The following SCTR variants were observed in gnomAD, a reference collection of about 807,000 sequenced individuals.
SCTR encodes secretin receptor, also known as pancreatic secretin receptor.
SCTR carries 56 observed loss-of-function variants against 60.8 expected under a neutral mutation model. The observed-to-expected ratio is 0.92, with a 90% CI of 0.74 to 1.15. The LOEUF is 1.15. Among genes scored for constraint, SCTR ranks in the 50% most tolerant of loss-of-function variants. The pLI, the probability that SCTR is intolerant of heterozygous loss-of-function variation, is 0.00. For missense variants in SCTR, 562 were observed against 550.4 expected, an observed-to-expected ratio of 1.02 and a Z score of -0.21; for synonymous variants, 202 against 217.0, an observed-to-expected ratio of 0.93 and a Z score of 0.61.
intron 2 of SCTR, 62 bp from the exon 3 acceptor site, chr2:119,478,980 T>G (rs938782629): frequency 6.2e-7 from 1 of 1,601,546 alleles, no homozygotes; most frequent in Non-Finnish European, 8.5e-7. Flanking sequence ...CCTACCATCC[T>G]GTCCACATCA....
intron 1 of SCTR, among the ~76,000 whole-genome samples, chr2:119,514,133 C>A (rs1386154907): frequency 6.6e-6 from 1 of 152,188 alleles, no homozygotes; most frequent in Non-Finnish European, 1.5e-5. Context: ...TCCACCATCT[C>A]TTTCTTTGGG....
intron 9 of SCTR, among the ~76,000 whole-genome samples, chr2:119,451,627 C>A (rs564912441): frequency 6.6e-6 from 1 of 152,208 alleles, no homozygotes; most frequent in Non-Finnish European, 1.5e-5. Context: ...CTCAGCTTAG[C>A]GACTCATCCC....
chr2:119,479,133 TAGAA>T (rs1677482597), intron 2 of SCTR: 2 of 1,229,616 alleles, frequency 1.6e-6, no homozygotes, highest in Admixed American at 8.1e-5. Flanking sequence ...GTGTTGAAGA[TAGAA>T]GGAAGTAAGA....
chr2:119,487,474 T>C (rs2104879580), intron 2 of SCTR: 1 of 152,282 alleles, frequency 6.6e-6, no homozygotes, highest in African/African-American at 2.4e-5. Context: ...AGTGTCTTGC[T>C]CAAGGTCACA....
rs535889976 is a variant in SCTR at position 119,445,951 on chromosome 2, C to G, written c.1140+808G>C. On this transcript the variant is annotated intron_variant, in intron 11 of 12. Transcript: ENST00000019103. ...TTTTTTGTCCTTTGTATGTTTTTCC[C>G]AAAAGCGACATTGCATTATTTTTGG... Among the ~76,000 whole-genome samples the G allele has an allele frequency of 7.2e-5, 11 of 152,142 alleles. No homozygotes were observed. The East Asian group carries it at 2.1e-3, about 29-fold the overall frequency.
At chr2:119,480,041 T>G (rs1425459679) in intron 2 of SCTR, among the ~76,000 whole-genome samples, 1 of 152,244 alleles carries the variant, frequency 6.6e-6, no homozygotes, top group Non-Finnish European at 1.5e-5. Context: ...TTGGTAGCAA[T>G]GCAAATGATT....
chr2:119,477,911 G>T (rs1677406044), intron 3 of SCTR, among the ~76,000 whole-genome samples: 2 of 152,196 alleles, frequency 1.3e-5, no homozygotes, highest in African/African-American at 2.4e-5. Flanking sequence ...GTTGAGTGAG[G>T]CTTCGAGGGA....
chr2:119,501,017 A>C (rs771421822), intron 1 of SCTR, among the ~76,000 whole-genome samples: 3 of 152,206 alleles, frequency 2.0e-5, no homozygotes, highest in Non-Finnish European at 4.4e-5. Context: ...TAAATGTGTC[A>C]ATTAAAAAAA....
Position 119,473,451 on chromosome 2 carries a change from A to T in SCTR, c.405+2T>A. 6.2e-7 allele frequency: 1 copy of T among 1,608,130 alleles called. No individual in the cohort carries two copies. Among genetic ancestry groups the T allele is most frequent in the Non-Finnish European group, 8.5e-7 (1 of 1,175,126 alleles). ...TCGTGGGGTGGAGGTTGACAGGCTT[A>T]CCCGCTTCTCGTTGGAAGAGTCGTT... On this transcript the variant is annotated splice_donor_variant, in intron 4 of 12. Transcript: ENST00000019103. LOFTEE classifies it high-confidence loss of function.
At chr2:119,492,814 C>T (rs1678186359) in intron 2 of SCTR, among the ~76,000 whole-genome samples, 1 of 148,484 alleles carries the variant, frequency 6.7e-6, no homozygotes, top group Non-Finnish European at 1.5e-5. Context: ...CAGTGTGTTC[C>T]TTTATTTTAC....
intron 1 of SCTR, among the ~76,000 whole-genome samples, chr2:119,512,785 A>G (rs1305309349): frequency 2.0e-5 from 3 of 152,192 alleles, no homozygotes; most frequent in African/African-American, 7.2e-5. Context: ...ACTTCCAAGA[A>G]TCCTTTCTTA....
Position 119,441,547 on chromosome 2 carries a change from A to G in SCTR, c.1182+11T>C, listed in dbSNP as rs1395110808. On this transcript the variant is annotated intron_variant, in intron 12 of 12. Transcript: ENST00000019103. ...CTCTCCTGGGTACCTGGGTGACCCA[A>G]GACTACTCACCTCCCCATTGAGGAA... 7 of 1,608,618 alleles carry G rather than the reference A, an allele frequency of 4.4e-6. No individual in the cohort carries two copies. The highest frequency in any genetic ancestry group is 6.0e-6 in the Non-Finnish European group (7 of 1,175,832).
intron 1 of SCTR, among the ~76,000 whole-genome samples, chr2:119,499,235 T>G (rs1484367538): frequency 1.3e-5 from 2 of 151,960 alleles, no homozygotes; most frequent in Non-Finnish European, 2.9e-5. Flanking sequence ...AAACAAAAAC[T>G]GATAGAACTG....
intron 1 of SCTR, among the ~76,000 whole-genome samples, chr2:119,497,417 A>T (rs2104909320): frequency 6.6e-6 from 1 of 152,320 alleles, no homozygotes; most frequent in South Asian, 2.1e-4. Flanking sequence ...TAAAATGAAA[A>T]TGTCTATCTT....
At chr2:119,444,274 T>TACACATAC (rs1682786788) in intron 11 of SCTR, among the ~76,000 whole-genome samples, 1 of 96,358 alleles carries the variant, frequency 1.0e-5, no homozygotes, top group African/African-American at 3.5e-5. Context: ...TATACATATA[T>TACACATAC]ACATATGAAT....
intron 4 of SCTR, among the ~76,000 whole-genome samples, chr2:119,468,892 G>T (rs1334055028): frequency 6.6e-6 from 1 of 152,180 alleles, no homozygotes; most frequent in Non-Finnish European, 1.5e-5. Flanking sequence ...GTGTTAGACT[G>T]AACAACATGT....
intron 5 of SCTR, among the ~76,000 whole-genome samples, chr2:119,464,501 C>T (rs1683751219): frequency 6.6e-6 from 1 of 151,368 alleles, no homozygotes; most frequent in African/African-American, 2.4e-5. Flanking sequence ...CACCTGTAAT[C>T]CCAGTACTTA....
At chr2:119,505,662 C>T (rs1678715583) in intron 1 of SCTR, among the ~76,000 whole-genome samples, 2 of 146,176 alleles carry the variant, frequency 1.4e-5, no homozygotes, top group South Asian at 2.2e-4. Flanking sequence ...ACAATGAGAA[C>T]ACATGGACAC....
chr2:119,486,951 G>A (rs1677896035), intron 2 of SCTR: 1 of 152,192 alleles, frequency 6.6e-6, no homozygotes, highest in Non-Finnish European at 1.5e-5. Context: ...AGGAATGTTA[G>A]AGAAAACTGC....
Sources: gnomAD v4.1 joint callset for allele counts (sites outside exome capture counted in the v4.1 genomes callset) on GRCh38, gnomAD v4.1.1 for gene constraint, MANE v1.5 for transcripts, NCBI Gene and HGNC (gene_info 2026-07-23, HGNC 2026-07-21) for gene names.